Variants in NOS2 observed in about 807,000 individuals in gnomAD.
NOS2 encodes nitric oxide synthase 2.
Under a neutral mutation model 136.0 loss-of-function variants are expected in NOS2, and 96 were observed. That is an observed-to-expected ratio of 0.71 (90% CI 0.60 to 0.84). NOS2 has a LOEUF of 0.84. NOS2 is among the 40% of genes least tolerant of loss of function. The pLI, the probability that NOS2 is intolerant of heterozygous loss-of-function variation, is 0.00. For missense variants in NOS2, 1,237 were observed against 1,496.9 expected, an observed-to-expected ratio of 0.83 and a Z score of 2.87; for synonymous variants, 539 against 587.5, an observed-to-expected ratio of 0.92 and a Z score of 1.20.
At chr17:27,768,704 A>T (rs2297516) in intron 17 of NOS2, among the ~76,000 whole-genome samples, 5 of 152,048 alleles carry the variant, frequency 3.3e-5, no homozygotes, top group Non-Finnish European at 7.4e-5. Flanking sequence ...ACTGGAGGAA[A>T]GACCTTAAAC....
chr17:27,796,372 C>T lies in NOS2; in HGVS notation c.110+2328G>A, dbSNP rs141635749. 7.2e-5 allele frequency among the ~76,000 whole-genome samples: 11 copies of T among 152,224 alleles called. 1 individual carries two copies. Among genetic ancestry groups the T allele is most frequent in the African/African-American group, 2.6e-4 (11 of 41,532 alleles). ...GGCTGAGGTGGGAGAATCGCTTGAA[C>T]CTGGCAGGTGGAGGTTGCAGTGCAG... is the stretch of plus-strand genomic sequence containing the variant. On this transcript the variant is annotated intron_variant, in intron 2 of 26. Coordinates refer to ENST00000313735, the MANE Select transcript of NOS2 (RefSeq NM_000625.4).
chr17:27,768,276 C>T, intron 17 of NOS2, among the ~76,000 whole-genome samples: 1 of 152,152 alleles, frequency 6.6e-6, no homozygotes, highest in East Asian at 1.9e-4. Context: ...GTTTCAAGCT[C>T]CTGGGCTCAA....
At chr17:27,793,391 G>A (rs1266360440) in intron 2 of NOS2, among the ~76,000 whole-genome samples, 1 of 152,166 alleles carries the variant, frequency 6.6e-6, no homozygotes, top group African/African-American at 2.4e-5. Context: ...TGCATGGGGG[G>A]TTTCTCTGGG....
chr17:27,786,753 T>C (rs561608267), intron 5 of NOS2, among the ~76,000 whole-genome samples: 56 of 152,250 alleles, frequency 3.7e-4, no homozygotes, highest in African/African-American at 1.3e-3. Flanking sequence ...AATCAAGGCA[T>C]AGAGAGACAA....
In NOS2 at chr17:27,756,979, C is replaced by T. The variant is rs1043675989; in HGVS notation, c.*267G>A. 36 of 409,776 alleles carry T rather than the reference C, an allele frequency of 8.8e-5. No homozygotes were observed. Among genetic ancestry groups the T allele is most frequent in the African/African-American group, 6.8e-4 (33 of 48,838 alleles). The allele number at this position is 409,776 out of a possible 1,614,324, so 25.4% of individuals were successfully genotyped here. ...ACTCAGCAGCAAGTTCCATCTTTCA[C>T]CCACTTGCCAGGCCTGGCATTTAAG... On this transcript the variant is annotated 3_prime_UTR_variant, in exon 27 of 27. Transcript: ENST00000313735.
chr17:27,793,478 C>T, intron 2 of NOS2: 1 of 392,262 alleles, frequency 2.5e-6, no homozygotes, highest in Admixed American at 4.4e-5. Context: ...TCAGGAATCC[C>T]ACAGAGCGCA....
rs567005879 is a variant in NOS2 at position 27,768,670 on chromosome 17, A to T, written c.2034+307T>A. Among the ~76,000 whole-genome samples the T allele has an allele frequency of 1.1e-4, 17 of 152,344 alleles. No homozygotes were observed. The East Asian group carries it at 3.1e-3, about 28-fold the overall frequency. On this transcript the variant is annotated intron_variant, in intron 17 of 26. Transcript: ENST00000313735. Reference sequence around the variant, plus strand: ...GCTGTGAGACTGAAACAGACACAGTAGTTAAGAGGTGACCTAGGTAGTCAC... The same window carrying T: ...GCTGTGAGACTGAAACAGACACAGTTGTTAAGAGGTGACCTAGGTAGTCAC...
rs1216334240 is a variant in NOS2, at chr17:27,760,048, G to A, written c.3141C>T (p.Arg1047=). Residue 1047 remains arginine, a synonymous_variant, in exon 25 of 27, where the codon CGC becomes CGT. Coordinates refer to ENST00000313735, the MANE Select transcript of NOS2 (RefSeq NM_000625.4). Reference sequence around the variant, plus strand: ...CATTTACCTTGGGCTTGCCAGGCAGGCGGGAATAGGCTGTGTGCACCGCAT... The same window carrying A: ...CATTTACCTTGGGCTTGCCAGGCAGACGGGAATAGGCTGTGTGCACCGCAT... ...VLHAVHTAYS[R]LPGKPKVYVQ... is the part of the protein sequence containing the mutation. 1 of 1,545,844 alleles carries A rather than the reference G, an allele frequency of 6.5e-7. No homozygotes were observed. Among genetic ancestry groups the A allele is most frequent in the South Asian group, 1.2e-5 (1 of 81,428 alleles).
Position 27,757,300 on chromosome 17 carries a change from C to T in NOS2, c.3408G>A (p.Ala1136=), listed in dbSNP as rs7223110. 317 of 1,614,138 alleles carry T rather than the reference C, an allele frequency of 2.0e-4. No homozygotes were observed. In the African/African-American group the frequency reaches 3.5e-3, roughly 18 times the overall value. The change falls in exon 27 of 27, where the codon GCG becomes GCA. Residue 1136 remains alanine (A), a synonymous_variant. Coordinates refer to ENST00000313735, the MANE Select transcript of NOS2 (RefSeq NM_000625.4). ...GCTGCACCGCCACCCTGTCCTTCTT[C>T]GCCTCGTAAGGAAATACAGCACCAA... ...DIFGAVFPYE[A]KKDRVAVQPS... is the part of the protein sequence containing the mutation.
intron 2 of NOS2, among the ~76,000 whole-genome samples, chr17:27,792,736 T>C (rs1181852057): frequency 2.2e-5 from 3 of 134,910 alleles, no homozygotes; most frequent in African/African-American, 8.6e-5. Flanking sequence ...CTCAGCACTT[T>C]GGAAGGCCGA....
chr17:27,785,067 C>A (rs2142520624), intron 5 of NOS2, among the ~76,000 whole-genome samples: 1 of 152,284 alleles, frequency 6.6e-6, no homozygotes, highest in South Asian at 2.1e-4. Context: ...CAAGGCCACA[C>A]AGCTAGGTAC....
At chr17:27,762,402 T>A (rs1164316562) in intron 22 of NOS2, among the ~76,000 whole-genome samples, 1 of 152,170 alleles carries the variant, frequency 6.6e-6, no homozygotes, top group Non-Finnish European at 1.5e-5. Flanking sequence ...ACCACTGGCC[T>A]CCTACCAAGG....
At chr17:27,790,498 A>C (rs140704596) in intron 2 of NOS2, among the ~76,000 whole-genome samples, 3 of 152,360 alleles carry the variant, frequency 2.0e-5, no homozygotes, top group African/African-American at 7.2e-5. Context: ...TAAGTGTACA[A>C]AAGTAGAGAG....
intron 19 of NOS2, among the ~76,000 whole-genome samples, chr17:27,765,923 AG>A (rs1320464492): frequency 2.8e-4 from 42 of 152,172 alleles, no homozygotes; most frequent in Middle Eastern, 3.4e-3. Context: ...TCTGGGGAGG[AG>A]GGGGGCCCAC....
chr17:27,775,567 A>G (rs1457235658), intron 11 of NOS2, among the ~76,000 whole-genome samples: 1 of 152,170 alleles, frequency 6.6e-6, no homozygotes, highest in Non-Finnish European at 1.5e-5. Context: ...GCACCACTGC[A>G]CTCCAGCCTG....
intron 5 of NOS2, among the ~76,000 whole-genome samples, chr17:27,786,028 G>A (rs1416389990): frequency 6.9e-6 from 1 of 144,610 alleles, no homozygotes. Flanking sequence ...CACTCTTTCC[G>A]CCAGGGAGTC....
chr17:27,772,545 A>C (rs903026958), intron 13 of NOS2, 93 bp from the exon 14 acceptor site: 23 of 1,450,114 alleles, frequency 1.6e-5, no homozygotes, highest in Non-Finnish European at 1.8e-5. Flanking sequence ...GACAGCGTTT[A>C]ATGTGGGGCA....
At position 27,760,176 on chromosome 17, in the gene NOS2, C is replaced by G. The variant is rs758278641; in HGVS notation, c.3013G>C (p.Val1005Leu). The G allele has an allele frequency of 1.3e-6, 2 of 1,563,494 alleles. No individual in the cohort carries two copies. The highest frequency in any genetic ancestry group is 1.9e-5 in the Admixed American group (1 of 51,626). Residue 1005 changes from valine (V) to leucine (L), a missense_variant and splice_region_variant, in exon 25 of 27, where the codon GTG becomes CTG. This residue lies in a region of NOS2 where 782 missense variants were observed against 909.9 expected (regional missense o/e 0.86). Transcript: ENST00000313735. ...QRLHDSQHKG[V>L]RGGRMTLVFG... ...ACCAAGGTCATGCGGCCTCCCCGCA[C>G]TCCTGCAGGAGTCCCGGGCTGTTGT...
intron 2 of NOS2, among the ~76,000 whole-genome samples, 182 bp downstream of exon 2, chr17:27,798,518 A>T (rs937661252): frequency 4.6e-5 from 7 of 152,194 alleles, no homozygotes; most frequent in African/African-American, 1.7e-4. Flanking sequence ...ACCGTCAGGC[A>T]CAGCGAGGTG....
Sources: allele counts gnomAD v4.1 joint callset (sites outside exome capture counted in the v4.1 genomes callset), GRCh38; gene constraint gnomAD v4.1.1; regional missense constraint gnomAD v4.1.1; transcripts MANE v1.5; gene names NCBI Gene and HGNC (gene_info 2026-07-23, HGNC 2026-07-21).